ESYT2: variants seen among roughly 807,000 people sequenced by gnomAD.
The protein encoded by ESYT2 is extended synaptotagmin 2.
A neutral mutation model predicts 107.2 loss-of-function variants in ESYT2; 54 were observed. The ratio of observed to expected loss-of-function variants is 0.50; its 90% CI spans 0.40 to 0.63. ESYT2 has a LOEUF of 0.63. Ranked by LOEUF, ESYT2 falls within the 30% of genes least tolerant of loss-of-function variation. The probability of loss-of-function intolerance (pLI) is 0.00; values close to 1 mark genes in which losing one functional copy is unlikely to be tolerated. For synonymous variants in ESYT2, 491 were observed against 434.1 expected (o/e 1.13, Z -1.63); for missense variants, 1,020 against 1,094.5 (o/e 0.93, Z 0.96).
intron 1 of ESYT2, among the ~76,000 whole-genome samples, chr7:158,801,691 A>T (rs2602556): frequency 0.93 from 141,254 of 152,222 alleles, 65,642 homozygotes; most frequent in East Asian, 0.95. Context: ...AACAAATTTC[A>T]ATATTTATAT....
intron 6 of ESYT2, among the ~76,000 whole-genome samples, chr7:158,780,746 A>C (rs970052423): frequency 1.3e-5 from 2 of 152,192 alleles, no homozygotes; most frequent in Non-Finnish European, 2.9e-5. Flanking sequence ...GAAGGAAAGG[A>C]CTCAGCTGGC....
intron 1 of ESYT2, among the ~76,000 whole-genome samples, chr7:158,826,428 T>G (rs940083367): frequency 1.3e-5 from 2 of 151,990 alleles, no homozygotes; most frequent in African/African-American, 4.8e-5. Context: ...AAAATATAAA[T>G]TCTTCATGAG....
At chr7:158,807,091 A>T (rs1194327355) in intron 1 of ESYT2, among the ~76,000 whole-genome samples, 1 of 151,848 alleles carries the variant, frequency 6.6e-6, no homozygotes, top group Non-Finnish European at 1.5e-5. Flanking sequence ...CTCTACTAAA[A>T]ATACAAAAAA....
At chr7:158,821,619 A>C (rs757467405) in intron 1 of ESYT2, among the ~76,000 whole-genome samples, 2 of 152,252 alleles carry the variant, frequency 1.3e-5, no homozygotes, top group Non-Finnish European at 2.9e-5. Flanking sequence ...CCAGCCATCC[A>C]GAAGGAGCAC....
chr7:158,778,847 CTT>C (rs1287355929), intron 6 of ESYT2, among the ~76,000 whole-genome samples: 4 of 143,678 alleles, frequency 2.8e-5, no homozygotes, highest in African/African-American at 5.1e-5. Context: ...GCTGGCTTCA[CTT>C]TTTTTTTTTT....
chr7:158,829,197 G>A lies in ESYT2; in HGVS notation c.222C>T (p.Arg74=). 2.0e-6 allele frequency: 3 copies of A among 1,532,276 alleles called. No individual in the cohort carries two copies. Among genetic ancestry groups the A allele is most frequent in the Non-Finnish European group, 2.6e-6 (3 of 1,147,256 alleles). The allele number at this position is 1,532,276 out of a possible 1,614,324, so 94.9% of individuals were successfully genotyped here. A position where few individuals can be genotyped will look rare whatever the true frequency, so the allele number is the denominator to read the frequency against. The change falls in exon 1 of 23, where the codon CGC becomes CGT. Residue 74 remains arginine (R), a synonymous_variant. Transcript: ENST00000275418. ...GCAGGGCCTTGAGGCCGCGGCTGCG[G>A]CGACACCAGGCGAGCAGCGCGAGCG... The part of the protein sequence containing the change: ...LLALALLAWC[R]RSRGLKALRL...
intron 1 of ESYT2, among the ~76,000 whole-genome samples, chr7:158,807,256 A>AAG (rs1198779636): frequency 6.8e-6 from 1 of 146,578 alleles, no homozygotes; most frequent in Non-Finnish European, 1.5e-5. Flanking sequence ...GTCTGAAGGA[A>AAG]AAAAAAAAAA....
chr7:158,803,666 G>A (rs1261865398), intron 1 of ESYT2, among the ~76,000 whole-genome samples: 1 of 152,224 alleles, frequency 6.6e-6, no homozygotes, highest in Non-Finnish European at 1.5e-5. Context: ...TTCACACACA[G>A]CACAACAAAA....
At chr7:158,768,755 C>T (rs1189199) in intron 7 of ESYT2, among the ~76,000 whole-genome samples, 143,503 of 152,306 alleles carry the variant, frequency 0.94, 67,653 homozygotes, top group Middle Eastern at 0.96. Flanking sequence ...TGGCCGGGCA[C>T]GGTGCCTTAC....
In ESYT2 at chr7:158,748,200, T is replaced by C. The variant is rs1305197734; in HGVS notation, c.1638A>G (p.Glu546=). 3 of 1,613,830 alleles carry C rather than the reference T, an allele frequency of 1.9e-6. No homozygotes were observed. Among genetic ancestry groups the C allele is most frequent in the Non-Finnish European group, 2.5e-6 (3 of 1,179,884 alleles). Residue 546 remains glutamate, a synonymous_variant, in exon 16 of 23, where the codon GAA becomes GAG. Coordinates refer to ENST00000275418, the MANE Select transcript of ESYT2 (RefSeq NM_001367773.1). ...AAAAATGCAAATAAAATACCTCAAC[T>C]TCAAGGTCCTGGCGCTTGGGATTGT... The part of the protein sequence containing the change: ...FIHNPKRQDL[E]VEVRDEQHQC...
At chr7:158,749,213 T>C (rs1327586358) in intron 15 of ESYT2, among the ~76,000 whole-genome samples, 1 of 152,102 alleles carries the variant, frequency 6.6e-6, no homozygotes, top group Non-Finnish European at 1.5e-5. Context: ...TTCAAGCGAT[T>C]CTCCTGCCTC....
At chr7:158,805,422 G>A (rs1356207337) in intron 1 of ESYT2, among the ~76,000 whole-genome samples, 2 of 152,140 alleles carry the variant, frequency 1.3e-5, no homozygotes, top group South Asian at 2.1e-4. Flanking sequence ...AGGTAGAGAG[G>A]AATCTAAAAA....
intron 6 of ESYT2, among the ~76,000 whole-genome samples, chr7:158,778,960 G>A (rs1427044923): frequency 6.6e-6 from 1 of 151,898 alleles, no homozygotes; most frequent in Admixed American, 6.6e-5. Flanking sequence ...AAAACCCCTA[G>A]CCTGCTGTTA....
At chr7:158,815,377 T>C (rs1360229135) in intron 1 of ESYT2, among the ~76,000 whole-genome samples, 2 of 152,064 alleles carry the variant, frequency 1.3e-5, no homozygotes, top group Non-Finnish European at 2.9e-5. Context: ...GTTCCAGCCA[T>C]CATTTCTACA....
In ESYT2 at chr7:158,781,858, TGTAA is replaced by T. The variant is rs1212736683; in HGVS notation, c.747+6142_747+6145del. 3.0e-5 allele frequency among the ~76,000 whole-genome samples: 4 copies of T among 132,420 alleles called. No individual in the cohort carries two copies. In the East Asian group the frequency reaches 8.3e-4, roughly 27 times the overall value. The allele number at this position is 132,420 out of a possible 152,430, so 86.9% of individuals were successfully genotyped here. ...ACAAGTGTGTGTGAACAAAGTGAGG[TGTAA>T]GTGTAAGAACGAGAACAAGTAAGAA... On this transcript the variant is annotated intron_variant, in intron 6 of 22. Coordinates refer to ENST00000275418, the MANE Select transcript of ESYT2 (RefSeq NM_001367773.1).
chr7:158,796,786 G>T (rs2602553), intron 3 of ESYT2, among the ~76,000 whole-genome samples: 122,304 of 151,516 alleles, frequency 0.81, 50,310 homozygotes, highest in Non-Finnish European at 0.89. Flanking sequence ...GCACCGCGGC[G>T]GGAGGCAGAG....
chr7:158,754,110 G>C (rs927942539), intron 13 of ESYT2, among the ~76,000 whole-genome samples: 1 of 152,138 alleles, frequency 6.6e-6, no homozygotes, highest in African/African-American at 2.4e-5. Flanking sequence ...CAGGTGCCCC[G>C]TCGGGAGGCC....
At position 158,788,100 on chromosome 7, in the gene ESYT2, T is replaced by C; in HGVS notation, c.658-7A>G. The stretch of plus-strand genomic sequence containing the variant: ...CCCGCATGGTACCATGAATCTAAAC[T>C]CAAACAGGAAACCAAAATATGTAAT... On this transcript the variant is annotated splice_polypyrimidine_tract_variant and splice_region_variant and intron_variant, in intron 5 of 22. Transcript: ENST00000275418. 6.2e-7 allele frequency: 1 copy of C among 1,612,992 alleles called. No homozygotes were observed. Among genetic ancestry groups the C allele is most frequent in the Non-Finnish European group, 8.5e-7 (1 of 1,179,106 alleles).
chr7:158,764,085 A>C (rs1488499749), intron 9 of ESYT2, among the ~76,000 whole-genome samples: 1 of 152,212 alleles, frequency 6.6e-6, no homozygotes, highest in Non-Finnish European at 1.5e-5. Context: ...GTCCTTTAAA[A>C]ATGTGTAACT....
Sources: allele counts gnomAD v4.1 joint callset (sites outside exome capture counted in the v4.1 genomes callset), GRCh38; gene constraint gnomAD v4.1.1; transcripts MANE v1.5; gene names NCBI Gene and HGNC (gene_info 2026-07-23, HGNC 2026-07-21).